The following ZBTB7C variants were observed in gnomAD, a reference collection of about 807,000 sequenced individuals.
ZBTB7C encodes zinc finger and BTB domain containing 7C.
A neutral mutation model predicts 25.7 loss-of-function variants in ZBTB7C; 8 were observed. That is an observed-to-expected ratio of 0.31 (90% confidence interval 0.18 to 0.56). The LOEUF is 0.56. Ranked by LOEUF, ZBTB7C falls within the 20% of genes least tolerant of loss-of-function variation. The pLI, the probability that ZBTB7C is intolerant of heterozygous loss-of-function variation, is 0.91. For missense variants in ZBTB7C, 824 were observed against 855.2 expected (o/e 0.96, Z 0.46); for synonymous variants, 394 against 369.0 (o/e 1.07, Z -0.78).
At chr18:48,030,907 C>T (rs1203929288) in intron 4 of ZBTB7C, among the ~76,000 whole-genome samples, 1 of 152,230 alleles carries the variant, frequency 6.6e-6, no homozygotes, top group Non-Finnish European at 1.5e-5. Flanking sequence ...CTTAAGGTGG[C>T]TGAGGTATAG....
chr18:48,229,183 G>A (rs1481983783), intron 2 of ZBTB7C, among the ~76,000 whole-genome samples: 2 of 152,190 alleles, frequency 1.3e-5, no homozygotes, highest in African/African-American at 4.8e-5. Flanking sequence ...CATTCTGCCT[G>A]AGCTGTGTGC....
intron 1 of ZBTB7C, among the ~76,000 whole-genome samples, chr18:48,398,056 G>C (rs1044996981): frequency 2.6e-5 from 4 of 152,204 alleles, no homozygotes; most frequent in African/African-American, 4.8e-5. Context: ...TCTACACTCT[G>C]ACCCTGCAGT....
chr18:48,345,542 C>T (rs554644855), intron 1 of ZBTB7C, among the ~76,000 whole-genome samples: 41 of 151,830 alleles, frequency 2.7e-4, no homozygotes, highest in African/African-American at 8.2e-4. Context: ...ATACCAGCAC[C>T]GCCCCCCACA....
intron 2 of ZBTB7C, among the ~76,000 whole-genome samples, chr18:48,229,204 C>T (rs2043186972): frequency 6.6e-6 from 1 of 152,176 alleles, no homozygotes; most frequent in Non-Finnish European, 1.5e-5. Flanking sequence ...CACCAGCCTT[C>T]CTGCCCCATT....
chr18:48,172,266 A>G (rs2041508338), intron 3 of ZBTB7C, among the ~76,000 whole-genome samples: 1 of 152,182 alleles, frequency 6.6e-6, no homozygotes. Context: ...GGGTGGGAAG[A>G]TGGGTCTGCA....
chr18:48,040,438 C>A lies in ZBTB7C; in HGVS notation c.670G>T (p.Asp224Tyr), dbSNP rs1297437010. The change falls in exon 4 of 5, where the codon GAC (aspartate) becomes TAC (tyrosine). Residue 224 changes from aspartate to tyrosine, a missense_variant. Physicochemically the swap from Asp to Tyr is radical, Grantham distance 160. Coordinates refer to ENST00000590800, the MANE Select transcript of ZBTB7C (RefSeq NM_001318841.2). ...GSPGHLGVIR[D>Y]FSIESLLREN... is the part of the protein sequence containing the mutation. ...CTTAGCAGAGATTCGATGGAGAAGT[C>A]CCGGATCACCCCCAGATGGCCAGGA... 1 of 1,607,196 alleles carries A rather than the reference C, an allele frequency of 6.2e-7. No individual in the cohort carries two copies. The highest frequency in any genetic ancestry group is 2.2e-5 in the East Asian group (1 of 44,854).
At chr18:48,285,342 T>G (rs2045011958) in intron 2 of ZBTB7C, among the ~76,000 whole-genome samples, 2 of 152,260 alleles carry the variant, frequency 1.3e-5, no homozygotes, top group African/African-American at 4.8e-5. Context: ...AGATTCATGA[T>G]TATTATATGT....
At chr18:48,292,513 G>T (rs1016129620) in intron 2 of ZBTB7C, among the ~76,000 whole-genome samples, 2 of 152,154 alleles carry the variant, frequency 1.3e-5, no homozygotes, top group African/African-American at 2.4e-5. Flanking sequence ...CCTGTCCCTG[G>T]AGAGGCCAGA....
rs187588531 is a variant in ZBTB7C at position 48,374,016 on chromosome 18, T to C, written c.-304+35210A>G. On this transcript the variant is annotated intron_variant, in intron 1 of 4. Transcript: ENST00000590800. ...CCTCCCACTCTGTCTCTCTTGCTCC[T>C]GTTCTCACCATGTGAAAAGTGCCTG... 1.2e-4 allele frequency among the ~76,000 whole-genome samples: 18 copies of C among 151,414 alleles called. No individual in the cohort carries two copies. In the East Asian group the frequency reaches 3.3e-3, roughly 28 times the overall value.
chr18:48,057,059 A>G (rs1345693281), intron 3 of ZBTB7C, among the ~76,000 whole-genome samples: 42 of 147,626 alleles, frequency 2.8e-4, no homozygotes, highest in Non-Finnish European at 5.3e-4. Context: ...TCAAAAAAAA[A>G]AAAAAAAAAA....
At position 48,028,526 on chromosome 18, in the gene ZBTB7C, T is replaced by A. The variant is rs2035596947; in HGVS notation, c.*734A>T. On this transcript the variant is annotated 3_prime_UTR_variant, in exon 5 of 5. Coordinates refer to ENST00000590800, the MANE Select transcript of ZBTB7C (RefSeq NM_001318841.2). ...CCCATGGACTTGGGGAGTACAAAGC[T>A]TCTACCATCTCTGTGATTCTCTGGG... 6.6e-6 allele frequency: 1 copy of A among 152,212 alleles called. No homozygotes were observed. Among genetic ancestry groups the A allele is most frequent in the Admixed American group, 6.5e-5 (1 of 15,290 alleles). 9.4% of individuals were successfully genotyped at this position (152,212 alleles called of 1,614,324 possible). A position where few individuals can be genotyped will look rare whatever the true frequency, so the allele number is the denominator to read the frequency against.
intron 3 of ZBTB7C, chr18:48,185,219 C>G (rs1430182031): frequency 2.8e-6 from 1 of 355,728 alleles, no homozygotes; most frequent in Non-Finnish European, 5.4e-6. Flanking sequence ...CTCCCTCCTC[C>G]ATCAGTCCAG....
At chr18:48,051,343 C>A (rs2036678659) in intron 3 of ZBTB7C, among the ~76,000 whole-genome samples, 1 of 152,180 alleles carries the variant, frequency 6.6e-6, no homozygotes, top group Non-Finnish European at 1.5e-5. Flanking sequence ...GGGATTCAGG[C>A]TGAGGGTACA....
At chr18:48,294,710 C>G (rs762080392) in intron 2 of ZBTB7C, among the ~76,000 whole-genome samples, 5 of 151,498 alleles carry the variant, frequency 3.3e-5, no homozygotes, top group Non-Finnish European at 7.4e-5. Context: ...ACACAGAGGG[C>G]TTCACCCCTC....
chr18:48,133,400 A>G (rs2040047873), intron 3 of ZBTB7C, among the ~76,000 whole-genome samples: 1 of 152,242 alleles, frequency 6.6e-6, no homozygotes, highest in Admixed American at 6.5e-5. Context: ...ATCTAAACAC[A>G]GGATCAAGAT....
intron 2 of ZBTB7C, among the ~76,000 whole-genome samples, chr18:48,299,083 G>A (rs2045475867): frequency 6.6e-6 from 1 of 152,136 alleles, no homozygotes; most frequent in Non-Finnish European, 1.5e-5. Flanking sequence ...TGATGGGGTG[G>A]AAGCTAGGGG....
intron 3 of ZBTB7C, among the ~76,000 whole-genome samples, chr18:48,109,163 G>C (rs1025018827): frequency 1.3e-5 from 2 of 152,162 alleles, no homozygotes; most frequent in Non-Finnish European, 2.9e-5. Flanking sequence ...TAAGAACCCA[G>C]GCTGGTGGCG....
At chr18:48,083,846 C>G in intron 3 of ZBTB7C, 1 of 985,414 alleles carries the variant, frequency 1.0e-6, no homozygotes, top group Non-Finnish European at 1.2e-6. Context: ...ATATTAGGAA[C>G]TTACTTTCCC....
intron 3 of ZBTB7C, among the ~76,000 whole-genome samples, chr18:48,064,718 G>T (rs2037256729): frequency 1.3e-5 from 2 of 152,150 alleles, no homozygotes; most frequent in African/African-American, 4.8e-5. Context: ...ACTCTAGCCT[G>T]GGTGACAGAG....
Sources: allele counts gnomAD v4.1 joint callset (sites outside exome capture counted in the v4.1 genomes callset), GRCh38; gene constraint gnomAD v4.1.1; transcripts MANE v1.5; gene names NCBI Gene and HGNC (gene_info 2026-07-23, HGNC 2026-07-21).